The following TMPRSS11B variants were observed in gnomAD, a reference collection of about 807,000 sequenced individuals.
The protein encoded by TMPRSS11B is transmembrane protease serine 11B.
Under a neutral mutation model 44.7 loss-of-function variants are expected in TMPRSS11B, and 53 were observed. The observed-to-expected ratio is 1.19, with a 90% CI of 0.95 to 1.49. The LOEUF (loss-of-function observed/expected upper bound fraction) is 1.49. Among genes scored for constraint, TMPRSS11B ranks in the 40% most tolerant of loss-of-function variants. The probability of loss-of-function intolerance (pLI) is 0.00; values close to 1 mark genes in which losing one functional copy is unlikely to be tolerated. For missense variants in TMPRSS11B, 526 were observed against 494.8 expected (o/e 1.06, Z -0.60); for synonymous variants, 140 against 159.2 (o/e 0.88, Z 0.91).
At position 68,227,787 on chromosome 4, in the gene TMPRSS11B, C is replaced by T; in HGVS notation, c.*124G>A. ...AGATATAATAAAATATTAATAAAGA[C>T]ATTTATATTTTTATATATAATAAAA... On this transcript the variant is annotated 3_prime_UTR_variant, in exon 10 of 10. Coordinates refer to ENST00000332644, the MANE Select transcript of TMPRSS11B (RefSeq NM_182502.3). 1 of 514,444 alleles carries T rather than the reference C, an allele frequency of 1.9e-6. No individual in the cohort carries two copies. The highest frequency in any genetic ancestry group is 2.9e-6 in the Non-Finnish European group (1 of 348,100). 31.9% of individuals were successfully genotyped at this position (514,444 alleles called of 1,614,324 possible). A position where few individuals can be genotyped will look rare whatever the true frequency, so the allele number is the denominator to read the frequency against.
chr4:68,234,674 T>C lies in TMPRSS11B; in HGVS notation c.309-51A>G, dbSNP rs770695963. The C allele has an allele frequency of 4.5e-6, 7 of 1,570,170 alleles. No individual in the cohort carries two copies. The Admixed American group carries it at 1.4e-4, about 31-fold the overall frequency. On this transcript the variant is annotated intron_variant, in intron 4 of 9. Coordinates refer to ENST00000332644, the MANE Select transcript of TMPRSS11B (RefSeq NM_182502.3). ...GTACTGTTTCTTGATCTTTTAGAGG[T>C]TTTGTGAACACATTAAATTTCACAC... is the stretch of plus-strand genomic sequence containing the variant.
intron 2 of TMPRSS11B, among the ~76,000 whole-genome samples, chr4:68,240,468 C>G (rs1050438535): frequency 9.9e-5 from 15 of 152,158 alleles, no homozygotes; most frequent in African/African-American, 3.6e-4. Flanking sequence ...GCACCTCCTG[C>G]TCCAGCCAGG....
chr4:68,231,291 C>G lies in TMPRSS11B; in HGVS notation c.598G>C (p.Ala200Pro), dbSNP rs1719507273. 5.0e-6 allele frequency: 8 copies of G among 1,613,942 alleles called. No individual in the cohort carries two copies. Among genetic ancestry groups the G allele is most frequent in the Non-Finnish European group, 6.8e-6 (8 of 1,179,980 alleles). The part of the protein sequence containing the change: ...SSLEGAWPWQ[A>P]SMQWKGRHYC... ...TGACGGCCTTTCCATTGCATGCTGG[C>G]CTGCCATGGCCATGCCCCCTCCAGG... Residue 200 changes from alanine to proline, a missense_variant, in exon 7 of 10, where the codon GCC (alanine) becomes CCC (proline). Transcript: ENST00000332644.
intron 2 of TMPRSS11B, 132 bp from the exon 3 acceptor site, chr4:68,236,398 A>G: frequency 1.6e-6 from 1 of 613,288 alleles, no homozygotes. Flanking sequence ...TCAACCATTT[A>G]TACCTCTGCC....
At chr4:68,236,091 T>G in intron 3 of TMPRSS11B, 22 bp from the exon 4 acceptor site, 2 of 1,574,214 alleles carry the variant, frequency 1.3e-6, no homozygotes, top group Non-Finnish European at 1.7e-6. Flanking sequence ...AAAAAAACAG[T>G]CATCATGTAT....
At position 68,239,578 on chromosome 4, in the gene TMPRSS11B, A is replaced by C. The variant is rs543628090; in HGVS notation, c.124+2111T>G. Among the ~76,000 whole-genome samples the C allele has an allele frequency of 2.0e-5, 3 of 152,370 alleles. No homozygotes were observed. The South Asian group carries it at 6.2e-4, about 32-fold the overall frequency. ...AATGGAAATCTATTCTATATTCTAT[A>C]CTGTGGTCAGTGATTTTCAGTTTTA... is the stretch of plus-strand genomic sequence containing the variant. On this transcript the variant is annotated intron_variant, in intron 2 of 9. Coordinates refer to ENST00000332644, the MANE Select transcript of TMPRSS11B (RefSeq NM_182502.3).
At chr4:68,232,492 A>T in intron 5 of TMPRSS11B, 76 bp from the exon 6 acceptor site, 5 of 1,367,508 alleles carry the variant, frequency 3.7e-6, no homozygotes, top group Non-Finnish European at 5.2e-6. Flanking sequence ...TAAGAACATA[A>T]ATGCTAACTT....
chr4:68,237,170 A>G (rs976759832), intron 2 of TMPRSS11B, among the ~76,000 whole-genome samples: 4 of 151,918 alleles, frequency 2.6e-5, no homozygotes, highest in African/African-American at 9.7e-5. Flanking sequence ...GCTCCCACTT[A>G]TGAGTGAGAA....
chr4:68,242,311 A>AATATAATATTATATTAT, intron 1 of TMPRSS11B, among the ~76,000 whole-genome samples: 1 of 7,428 alleles, frequency 1.3e-4, no homozygotes, highest in East Asian at 0.036. Flanking sequence ...TAATATATAT[A>AATATAATATTATATTAT]ATATTATATA....
At chr4:68,236,450 T>C (rs188544915) in intron 2 of TMPRSS11B, among the ~76,000 whole-genome samples, 184 bp from the exon 3 acceptor site, 17 of 151,986 alleles carry the variant, frequency 1.1e-4, no homozygotes, top group African/African-American at 3.6e-4. Flanking sequence ...ACCTCTGCCT[T>C]AACCATTTAT....
intron 1 of TMPRSS11B, among the ~76,000 whole-genome samples, chr4:68,243,111 A>G (rs1260771702): frequency 6.6e-6 from 1 of 152,150 alleles, no homozygotes; most frequent in African/African-American, 2.4e-5. Flanking sequence ...GATGTTATAT[A>G]ATTGTCCATT....
At chr4:68,234,696 A>G in intron 4 of TMPRSS11B, 73 bp from the exon 5 acceptor site, 3 of 1,459,316 alleles carry the variant, frequency 2.1e-6, no homozygotes, top group Non-Finnish European at 2.8e-6. Context: ...ATTAAATTTC[A>G]CACATTTTAA....
intron 6 of TMPRSS11B, 143 bp downstream of exon 6, chr4:68,232,235 A>T (rs574323526): frequency 3.6e-6 from 2 of 551,476 alleles, no homozygotes; most frequent in Non-Finnish European, 6.1e-6. Flanking sequence ...GAGAAATTCT[A>T]AGTCAATATC....
intron 5 of TMPRSS11B, 148 bp from the exon 6 acceptor site, chr4:68,232,564 C>T: frequency 1.6e-6 from 1 of 640,598 alleles, no homozygotes; most frequent in Non-Finnish European, 2.7e-6. Flanking sequence ...TTCAGCCCCT[C>T]TGACTCTTAT....
In TMPRSS11B at chr4:68,228,728, G is replaced by C. The variant is rs189903902; in HGVS notation, c.1089+14C>G. The C allele has an allele frequency of 1.9e-6, 3 of 1,588,458 alleles. No individual in the cohort carries two copies. Among genetic ancestry groups the C allele is most frequent in the Non-Finnish European group, 2.6e-6 (3 of 1,171,926 alleles). ...AACTGGGAGAAAACAACTGGATAAT[G>C]TAACTAGACATACCTGACATGCATC... On this transcript the variant is annotated intron_variant, in intron 9 of 9. Coordinates refer to ENST00000332644, the MANE Select transcript of TMPRSS11B (RefSeq NM_182502.3).
At chr4:68,237,865 A>C (rs1719718314) in intron 2 of TMPRSS11B, among the ~76,000 whole-genome samples, 1 of 152,024 alleles carries the variant, frequency 6.6e-6, no homozygotes, top group Admixed American at 6.6e-5. Context: ...AAAACTTAAA[A>C]AATTTGCTGG....
At chr4:68,244,693 C>T (rs28410736) in intron 1 of TMPRSS11B, among the ~76,000 whole-genome samples, 3,106 of 152,318 alleles carry the variant, frequency 0.02, 99 homozygotes, top group African/African-American at 0.07. Context: ...AGTCTTGTTA[C>T]AATTTTACCT....
At position 68,227,913 on chromosome 4, in the gene TMPRSS11B, A is replaced by C. The variant is rs377297410; in HGVS notation, c.1249T>G (p.Ter417GlyextTer30). ...RNWITSKTGL[*>G] ...TCCTTTGTATAATTCCTTTTTTTTC[A>C]GAGTCCAGTCTTGGATGTAATCCAA... Residue 417 changes from the stop codon to glycine (G), a stop_lost, in exon 10 of 10, where the codon TGA becomes GGA. Transcript: ENST00000332644. 23 of 1,594,034 alleles carry C rather than the reference A, an allele frequency of 1.4e-5. No individual in the cohort carries two copies. In the African/African-American group the frequency reaches 2.6e-4, roughly 18 times the overall value.
chr4:68,242,362 T>TTATATATTATATATAATATTA, intron 1 of TMPRSS11B, among the ~76,000 whole-genome samples: 1 of 23,918 alleles, frequency 4.2e-5, no homozygotes, highest in South Asian at 1.7e-3. Context: ...TAATATTATA[T>TTATATATTATATATAATATTA]TATATATAAT....
Sources: gnomAD v4.1 joint callset for allele counts (sites outside exome capture counted in the v4.1 genomes callset) on GRCh38, gnomAD v4.1.1 for gene constraint, MANE v1.5 for transcripts, NCBI Gene and HGNC (gene_info 2026-07-23, HGNC 2026-07-21) for gene names.